Variants in C2orf80 observed in about 807,000 individuals in gnomAD.
C2orf80 encodes uncharacterized protein C2orf80.
C2orf80 carries 28 observed loss-of-function variants against 30.2 expected under a neutral mutation model. That is an observed-to-expected ratio of 0.93 (90% CI 0.69 to 1.27). The LOEUF (loss-of-function observed/expected upper bound fraction) is 1.27. Ranked by LOEUF, C2orf80 falls within the 50% of genes most tolerant of loss-of-function variation. The probability of loss-of-function intolerance (pLI) is 0.00; values close to 1 mark genes in which losing one functional copy is unlikely to be tolerated. For synonymous variants in C2orf80, 80 were observed against 76.4 expected (o/e 1.05, Z -0.24); for missense variants, 220 against 231.0 (o/e 0.95, Z 0.31).
rs1341506592 is a variant in C2orf80 at position 208,172,020 on chromosome 2, G to A, written c.422C>T (p.Ala141Val). The change falls in exon 7 of 9, where the codon GCA becomes GTA. Residue 141 changes from alanine to valine, a missense_variant. Ala to Val is a moderately conservative substitution (Grantham distance 64). Transcript: ENST00000341287. ...GCGGGCGTATGCTGCTGCTTTGGGT[G>A]CTGTTAACATGGCAAAGGGGTGCAA... ...LSLHPFAMLT[A>V]PKAAAYARKQ... 6.2e-7 allele frequency: 1 copy of A among 1,613,956 alleles called. No homozygotes were observed. The highest frequency in any genetic ancestry group is 2.2e-5 in the East Asian group (1 of 44,880).
intron 6 of C2orf80, 32 bp from the exon 7 acceptor site, chr2:208,172,107 T>C (rs774057702): frequency 1.9e-6 from 3 of 1,541,370 alleles, no homozygotes; most frequent in Non-Finnish European, 2.7e-6. Flanking sequence ...TTTTAAAATC[T>C]GTCCATCATC....
At chr2:208,168,950 T>C (rs1696001141) in intron 8 of C2orf80, among the ~76,000 whole-genome samples, 1 of 151,484 alleles carries the variant, frequency 6.6e-6, no homozygotes, top group Non-Finnish European at 1.5e-5. Flanking sequence ...CTAAGGACTA[T>C]TCGCTTACTA....
intron 6 of C2orf80, among the ~76,000 whole-genome samples, chr2:208,176,970 CATAT>C (rs1491289017): frequency 2.2e-5 from 2 of 91,964 alleles, no homozygotes; most frequent in Non-Finnish European, 4.9e-5. Flanking sequence ...CATATGTATA[CATAT>C]ATACAGAAAT....
chr2:208,182,401 A>T (rs1291680761), intron 4 of C2orf80, among the ~76,000 whole-genome samples: 1 of 152,154 alleles, frequency 6.6e-6, no homozygotes, highest in Admixed American at 6.5e-5. Context: ...TCATGTTTCT[A>T]AGACAGAGCA....
At chr2:208,177,363 G>A (rs191346646) in intron 6 of C2orf80, among the ~76,000 whole-genome samples, 8 of 151,804 alleles carry the variant, frequency 5.3e-5, no homozygotes, top group African/African-American at 2.4e-5. Context: ...CCAACATGGC[G>A]AAACCCCATC....
chr2:208,181,051 T>C (rs769193494), intron 5 of C2orf80, among the ~76,000 whole-genome samples, 167 bp downstream of exon 5: 10 of 152,212 alleles, frequency 6.6e-5, no homozygotes, highest in Non-Finnish European at 1.5e-4. Flanking sequence ...TCACATACAG[T>C]GTAGAAGTTA....
At chr2:208,171,531 G>C (rs1311424625) in intron 7 of C2orf80, among the ~76,000 whole-genome samples, 1 of 152,112 alleles carries the variant, frequency 6.6e-6, no homozygotes, top group Non-Finnish European at 1.5e-5. Flanking sequence ...GTGTTGGCCA[G>C]GCTGGTCTCA....
At position 208,172,075 on chromosome 2, in the gene C2orf80, C is replaced by G. The variant is rs368879068; in HGVS notation, c.367G>C (p.Val123Leu). 1.9e-5 allele frequency: 31 copies of G among 1,610,274 alleles called. No individual in the cohort carries two copies. Among genetic ancestry groups the G allele is most frequent in the Non-Finnish European group, 2.5e-5 (30 of 1,176,718 alleles). The change falls in exon 7 of 9, where the codon GTT becomes CTT. Residue 123 changes from valine to leucine, a missense_variant and splice_region_variant. Physicochemically the swap from Val to Leu is conservative, Grantham distance 32. Coordinates refer to ENST00000341287, the MANE Select transcript of C2orf80 (RefSeq NM_001099334.3). ...AGGCAGAGAGATGAAACTCGGGGAA[C>G]CTGAAAGGAAAACAGTCCTACTTTT... Reference protein sequence around the residue: ...DSSADSGTIKVPRVSSLCLSL... With the variant: ...DSSADSGTIKLPRVSSLCLSL...
At position 208,173,580 on chromosome 2, in the gene C2orf80, G is replaced by A. The variant is rs191289036; in HGVS notation, c.367-1505C>T. ...GCGGAGCTTGCCGTGAGCCGAGATC[G>A]TGCCACTGCACTCCAGCCTGGGCGA... On this transcript the variant is annotated intron_variant, in intron 6 of 8. Coordinates refer to ENST00000341287, the MANE Select transcript of C2orf80 (RefSeq NM_001099334.3). Among the ~76,000 whole-genome samples, 241 of 152,058 alleles carry A rather than the reference G, an allele frequency of 1.6e-3. 2 individuals are homozygous for A. The highest frequency in any genetic ancestry group is 5.4e-3 in the African/African-American group (224 of 41,478).
intron 7 of C2orf80, among the ~76,000 whole-genome samples, chr2:208,171,524 T>C (rs1696098359): frequency 1.3e-5 from 2 of 152,184 alleles, no homozygotes. Context: ...TTTCACCGTG[T>C]TGGCCAGGCT....
At chr2:208,175,332 G>A (rs1022109180) in intron 6 of C2orf80, among the ~76,000 whole-genome samples, 1 of 151,926 alleles carries the variant, frequency 6.6e-6, no homozygotes, top group Admixed American at 6.6e-5. Context: ...ATTTATCCGG[G>A]GCTAGTTGTC....
At chr2:208,173,234 A>G (rs1487242400) in intron 6 of C2orf80, among the ~76,000 whole-genome samples, 1 of 151,852 alleles carries the variant, frequency 6.6e-6, no homozygotes, top group Non-Finnish European at 1.5e-5. Flanking sequence ...AACTATAGCT[A>G]TGTTAGCTAT....
chr2:208,189,165 A>G (rs1333307916), intron 1 of C2orf80, among the ~76,000 whole-genome samples: 2 of 152,218 alleles, frequency 1.3e-5, no homozygotes, highest in African/African-American at 4.8e-5. Context: ...TATTTGGCCT[A>G]TCTCAATTCC....
Position 208,181,204 on chromosome 2 carries a change from A to G in C2orf80, c.294+14T>C. 1 of 1,524,050 alleles carries G rather than the reference A, an allele frequency of 6.6e-7. No individual in the cohort carries two copies. The highest frequency in any genetic ancestry group is 9.1e-7 in the Non-Finnish European group (1 of 1,098,564). The allele number at this position is 1,524,050 out of a possible 1,614,324, so 94.4% of individuals were successfully genotyped here. A position where few individuals can be genotyped will look rare whatever the true frequency, so the allele number is the denominator to read the frequency against. On this transcript the variant is annotated intron_variant, in intron 5 of 8. Transcript: ENST00000341287. ...TGAAATATTCATATAGGCAGATAGT[A>G]TTCTTTTCCTTACCATTAAGATTCC...
rs139478315 is a variant in C2orf80, at chr2:208,188,085, C to CGTGTGTGT, written c.-75-1032_-75-1025dup. ...AGAGATGGTTAAGCCTATACTGCAC[C>CGTGTGTGT]GTGTGTGTGTGTGTGTGTGTGTGTG... On this transcript the variant is annotated intron_variant, in intron 1 of 8. Coordinates refer to ENST00000341287, the MANE Select transcript of C2orf80 (RefSeq NM_001099334.3). Among the ~76,000 whole-genome samples the CGTGTGTGT allele has an allele frequency of 2.0e-3, 290 of 144,208 alleles. 2 individuals are homozygous for CGTGTGTGT. Among genetic ancestry groups the CGTGTGTGT allele is most frequent in the African/African-American group, 3.4e-3 (135 of 39,670 alleles). 94.6% of individuals were successfully genotyped at this position (144,208 alleles called of 152,430 possible).
chr2:208,185,694 T>G (rs6725512), intron 2 of C2orf80, among the ~76,000 whole-genome samples: 1 of 152,006 alleles, frequency 6.6e-6, no homozygotes, highest in Non-Finnish European at 1.5e-5. Flanking sequence ...AGGTTGATTT[T>G]GGCACATCTC....
chr2:208,180,864 T>C (rs1158744585), intron 5 of C2orf80, 48 bp from the exon 6 acceptor site: 2 of 1,520,658 alleles, frequency 1.3e-6, no homozygotes, highest in Non-Finnish European at 9.1e-7. Context: ...ACCATGGCTT[T>C]TCTTTTATTA....
intron 2 of C2orf80, among the ~76,000 whole-genome samples, chr2:208,185,994 G>A (rs1696707600): frequency 6.6e-6 from 1 of 152,114 alleles, no homozygotes; most frequent in Non-Finnish European, 1.5e-5. Context: ...GCATCAGCAT[G>A]TCTTTCTTTA....
At chr2:208,171,191 G>A in intron 7 of C2orf80, 128 bp from the exon 8 acceptor site, 1 of 682,508 alleles carries the variant, frequency 1.5e-6, no homozygotes, top group East Asian at 2.7e-5. Context: ...TGTCACTCAG[G>A]CTGGAGTGCA....
Sources: allele counts gnomAD v4.1 joint callset (sites outside exome capture counted in the v4.1 genomes callset), GRCh38; gene constraint gnomAD v4.1.1; transcripts MANE v1.5; gene names NCBI Gene and HGNC (gene_info 2026-07-23, HGNC 2026-07-21).